The following INF2 variants were observed in gnomAD, a reference collection of about 807,000 sequenced individuals.
INF2 encodes the protein inverted formin 2.
Under a neutral mutation model 123.5 loss-of-function variants are expected in INF2, and 43 were observed. The observed-to-expected ratio is 0.35, with a 90% CI of 0.27 to 0.45. The LOEUF is 0.45. Ranked by LOEUF, INF2 falls within the 20% of genes least tolerant of loss-of-function variation. The pLI is 1.00. For missense variants in INF2, 1,453 were observed against 1,682.7 expected, an observed-to-expected ratio of 0.86 and a Z score of 2.39; for synonymous variants, 851 against 745.0, an observed-to-expected ratio of 1.14 and a Z score of -2.32.
Position 104,701,719 on chromosome 14 carries a change from C to A in INF2, c.354C>A (p.Ile118=). 2 of 1,538,920 alleles carry A rather than the reference C, an allele frequency of 1.3e-6. No homozygotes were observed. Among genetic ancestry groups the A allele is most frequent in the African/African-American group, 1.4e-5 (1 of 73,698 alleles). ...ACTCGCGGCAGGGCATCGAGTACAT[C>A]CTCAGCAACCAGGGCTACGTGCGCC... The part of the protein sequence containing the change: ...VMNSRQGIEY[I]LSNQGYVRQL... Residue 118 remains isoleucine (I), a synonymous_variant, in exon 2 of 23, where the codon ATC becomes ATA. Transcript: ENST00000392634.
At chr14:104,712,578 C>A in intron 17 of INF2, 25 bp downstream of exon 17, 1 of 1,612,422 alleles carries the variant, frequency 6.2e-7, no homozygotes. Context: ...GGGCCTGGGG[C>A]TGGCGGGAGA....
chr14:104,716,035 G>A (rs774561632), intron 22 of INF2: 4 of 444,220 alleles, frequency 9.0e-6, no homozygotes, highest in South Asian at 6.4e-5. Context: ...CACAGGGCTG[G>A]AGAGGCCAAT....
At position 104,718,972 on chromosome 14, in the gene INF2, C is replaced by A; in HGVS notation, c.*179C>A. 5.0e-6 allele frequency: 7 copies of A among 1,387,412 alleles called. No individual in the cohort carries two copies. The highest frequency in any genetic ancestry group is 4.7e-5 in the South Asian group (3 of 63,866). The allele number at this position is 1,387,412 out of a possible 1,614,324, so 85.9% of individuals were successfully genotyped here. ...TTCTTGGGGTGTTGTGGCTGGGAAC[C>A]CGACAGGCACCAGTGCCCTGCCAGG... On this transcript the variant is annotated 3_prime_UTR_variant, in exon 23 of 23. Coordinates refer to ENST00000392634, the MANE Select transcript of INF2 (RefSeq NM_022489.4).
rs1321333119 is a variant in INF2, at chr14:104,713,309, G to A, written c.2878G>A (p.Val960Ile). 1 of 1,550,850 alleles carries A rather than the reference G, an allele frequency of 6.4e-7. No individual in the cohort carries two copies. Among genetic ancestry groups the A allele is most frequent in the South Asian group, 1.2e-5 (1 of 84,234 alleles). Residue 960 changes from valine to isoleucine, a missense_variant and splice_region_variant, in exon 19 of 23, where the codon GTC becomes ATC. By Grantham distance (29) the Val-to-Ile change is conservative. This residue lies in a region of INF2 where 212 missense variants were observed against 266.2 expected (regional missense o/e 0.80). Transcript: ENST00000392634. ...GCCTCGGGGAGAGGACGGGAAGCCT[G>A]GTGAGGCTGGGCCGGCTGGGCGGGG... is the stretch of plus-strand genomic sequence containing the variant. ...RRPRGEDGKPVRKGPGKQEEV... is the reference protein window; with the variant it reads ...RRPRGEDGKPIRKGPGKQEEV...
chr14:104,698,732 C>G (rs986109643), intron 1 of INF2, among the ~76,000 whole-genome samples: 3 of 151,904 alleles, frequency 2.0e-5, no homozygotes, highest in Non-Finnish European at 4.4e-5. Flanking sequence ...TAGAGCCTGA[C>G]GGGGGGCCTG....
chr14:104,718,661 AC>A (rs1890430608), intron 22 of INF2, 133 bp from the exon 23 acceptor site: 9 of 1,479,498 alleles, frequency 6.1e-6, no homozygotes, highest in Admixed American at 2.0e-5. Flanking sequence ...GTCAGAGTGG[AC>A]CTGCGATGCA....
Position 104,701,526 on chromosome 14 carries a change from G to T in INF2, c.161G>T (p.Arg54Leu). 1 of 1,607,182 alleles carries T rather than the reference G, an allele frequency of 6.2e-7. No individual in the cohort carries two copies. Among genetic ancestry groups the T allele is most frequent in the Non-Finnish European group, 8.5e-7 (1 of 1,177,692 alleles). Residue 54 changes from arginine to leucine, a missense_variant, in exon 2 of 23, where the codon CGC becomes CTC. Arg to Leu is a moderately radical substitution (Grantham distance 102). This residue lies in a region of INF2 where 251 missense variants were observed against 349.4 expected (regional missense o/e 0.72). Coordinates refer to ENST00000392634, the MANE Select transcript of INF2 (RefSeq NM_022489.4). ...MPSVVNYSGL[R>L]KRLEGSDGGW... ...TCTGTGGTCAACTACTCCGGCCTGC[G>T]CAAGCGCCTGGAGGGCAGCGACGGC... is the stretch of plus-strand genomic sequence containing the variant.
At chr14:104,681,805 C>A (rs1280205226) in intron 1 of INF2, among the ~76,000 whole-genome samples, 4 of 152,236 alleles carry the variant, frequency 2.6e-5, no homozygotes. Context: ...CATGACATCC[C>A]CTTGGTTGCT....
At chr14:104,682,365 AATGGATTCCTTTCC>A (rs1399333665) in intron 1 of INF2, among the ~76,000 whole-genome samples, 5 of 152,164 alleles carry the variant, frequency 3.3e-5, no homozygotes, top group African/African-American at 1.2e-4. Context: ...CTCAGGAGCA[AATGGATTCCTTTCC>A]ATGAAAAAAG....
intron 1 of INF2, 55 bp downstream of exon 1, chr14:104,689,794 A>G: frequency 2.1e-6 from 2 of 947,986 alleles, no homozygotes; most frequent in Non-Finnish European, 2.5e-6. Flanking sequence ...TGAGTCCGGG[A>G]GGAGGCAGGG....
rs774605954 is a variant in INF2, at chr14:104,713,454, G to A, written c.2888G>A (p.Gly963Glu). ...GCCCCACGCTCCTCAGTCAGGAAGG[G>A]GCCCGGGAAGCAGGAGGAGGTGTGT... ...RGEDGKPVRKGPGKQEEVCVI... is the reference protein window; with the variant it reads ...RGEDGKPVRKEPGKQEEVCVI... Residue 963 changes from glycine to glutamate, a missense_variant, in exon 20 of 23, where the codon GGG becomes GAG. By Grantham distance (98) the Gly-to-Glu change is moderately conservative. This residue lies in a region of INF2 where 212 missense variants were observed against 266.2 expected (regional missense o/e 0.80). Transcript: ENST00000392634. The A allele has an allele frequency of 1.9e-6, 3 of 1,610,618 alleles. No homozygotes were observed. The highest frequency in any genetic ancestry group is 1.7e-5 in the Admixed American group (1 of 59,766).
At chr14:104,690,981 G>A (rs59578182) in intron 1 of INF2, among the ~76,000 whole-genome samples, 15,985 of 152,120 alleles carry the variant, frequency 0.11, 1,447 homozygotes, top group East Asian at 0.48. Flanking sequence ...TAAAAGCCAG[G>A]TTGGTGCAGT....
intron 22 of INF2, chr14:104,716,057 G>C (rs560707311): frequency 9.3e-6 from 4 of 428,314 alleles, no homozygotes; most frequent in Admixed American, 4.9e-5. Flanking sequence ...CATCCAGCTA[G>C]ACAGGACCAG....
rs746964937 is a variant in INF2 at position 104,701,432 on chromosome 14, T to A, written c.67T>A (p.Ser23Thr). The change falls in exon 2 of 23, where the codon TCG becomes ACG. Residue 23 changes from serine (S) to threonine (T), a missense_variant. By Grantham distance (58) the Ser-to-Thr change is moderately conservative (BLOSUM62 1). Around this residue, in one of 8 missense-constraint regions of INF2, gnomAD observed 43 missense variants for 44.7 expected, o/e 0.96. Coordinates refer to ENST00000392634, the MANE Select transcript of INF2 (RefSeq NM_022489.4). The part of the protein sequence containing the change: ...ALKEKLGPQD[S>T]DPTEANLESA... ...GAAGGAGAAGCTGGGGCCACAGGAT[T>A]CGGACCCCACGGAGGCCAACCTGGA... 154 of 1,596,232 alleles carry A rather than the reference T, an allele frequency of 9.6e-5. No homozygotes were observed. Among genetic ancestry groups the A allele is most frequent in the Admixed American group, 6.2e-4 (36 of 58,370 alleles).
Position 104,703,139 on chromosome 14 carries a change from G to A in INF2, c.426G>A (p.Gln142=). 1 of 1,613,714 alleles carries A rather than the reference G, an allele frequency of 6.2e-7. No individual in the cohort carries two copies. Residue 142 remains glutamine (Q), a synonymous_variant, in exon 3 of 23, where the codon CAG becomes CAA. Transcript: ENST00000392634. ...CATCCAACGTGATGGTGAAGAAGCA[G>A]GTGTTTGAGCTACTGGCTGCCCTGT... ...LDTSNVMVKK[Q]VFELLAALCI...
chr14:104,715,003 C>G, intron 21 of INF2, 147 bp downstream of exon 21: 1 of 900,908 alleles, frequency 1.1e-6, no homozygotes, highest in Non-Finnish European at 1.6e-6. Flanking sequence ...GGCGGCAGTG[C>G]GTCCACCGCA....
chr14:104,708,071 G>A (rs1212107799), intron 8 of INF2, 69 bp downstream of exon 8: 9 of 1,594,068 alleles, frequency 5.6e-6, no homozygotes, highest in Non-Finnish European at 6.8e-6. Context: ...GGGGAGAGGG[G>A]CAGGTGGCAC....
Position 104,699,427 on chromosome 14 carries a change from C to T in INF2, c.-9-1930C>T, listed in dbSNP as rs8014967. 1.9e-4 allele frequency: 189 copies of T among 985,302 alleles called. No individual in the cohort carries two copies. The African/African-American group carries it at 3.1e-3, about 16-fold the overall frequency. The allele number at this position is 985,302 out of a possible 1,614,324, so 61.0% of individuals were successfully genotyped here. On this transcript the variant is annotated intron_variant, in intron 1 of 22. Coordinates refer to ENST00000392634, the MANE Select transcript of INF2 (RefSeq NM_022489.4). This position sits in a 1 kb window ranked among gnomAD's most constrained non-coding sequence, Gnocchi z 4.7. Reference sequence around the variant, plus strand: ...GGCTCTTCATGGTGGTGGGAGCAACCCTACTGCCACCAGGAGGGGCGTTGG... The same window carrying T: ...GGCTCTTCATGGTGGTGGGAGCAACTCTACTGCCACCAGGAGGGGCGTTGG...
chr14:104,685,502 G>A (rs764263272), upstream of INF2, among the ~76,000 whole-genome samples: 15 of 151,862 alleles, frequency 9.9e-5, 1 homozygote, highest in Middle Eastern at 0.017. Context: ...GACTGGGGGC[G>A]GTCGTGTCCT....
Sources: gnomAD v4.1 joint callset for allele counts (sites outside exome capture counted in the v4.1 genomes callset) on GRCh38, gnomAD v4.1.1 for gene constraint, gnomAD v4.1.1 regional missense constraint, Gnocchi (gnomAD v3.1) non-coding constraint, MANE v1.5 for transcripts, NCBI Gene and HGNC (gene_info 2026-07-23, HGNC 2026-07-21) for gene names.